L3MBTL3: variants seen among roughly 807,000 people sequenced by gnomAD.
L3MBTL3 encodes the protein L3MBTL histone methyl-lysine binding protein 3, also known as lethal(3)malignant brain tumor-like protein 3.
In L3MBTL3, 27 loss-of-function variants were observed where a neutral mutation model predicts 102.3. The observed-to-expected ratio is 0.26, with a 90% CI of 0.19 to 0.36. L3MBTL3 has a LOEUF of 0.36. Among genes scored for constraint, L3MBTL3 ranks in the 10% least tolerant of loss-of-function variants. The probability of loss-of-function intolerance (pLI) is 1.00; values close to 1 mark genes in which losing one functional copy is unlikely to be tolerated. For missense variants in L3MBTL3, 798 were observed against 955.3 expected, an observed-to-expected ratio of 0.84 and a Z score of 2.17; for synonymous variants, 340 against 320.9, an observed-to-expected ratio of 1.06 and a Z score of -0.64.
At chr6:130,049,579 G>C in intron 4 of L3MBTL3, 177 bp from the exon 5 acceptor site, 2 of 694,118 alleles carry the variant, frequency 2.9e-6, no homozygotes, top group South Asian at 3.7e-5. Flanking sequence ...ACTATAAACT[G>C]TCTTCTTTGT....
At chr6:130,100,676 A>C (rs1784628642) in intron 18 of L3MBTL3, among the ~76,000 whole-genome samples, 1 of 151,962 alleles carries the variant, frequency 6.6e-6, no homozygotes, top group Admixed American at 6.6e-5. Flanking sequence ...TTTAAATGGT[A>C]AGTGTCATAA....
Position 130,133,443 on chromosome 6 carries a change from A to G in L3MBTL3, c.1967-9A>G. 6.2e-7 allele frequency: 1 copy of G among 1,612,498 alleles called. No homozygotes were observed. On this transcript the variant is annotated splice_polypyrimidine_tract_variant and intron_variant, in intron 20 of 22. Coordinates refer to ENST00000361794, the MANE Select transcript of L3MBTL3 (RefSeq NM_032438.4). The surrounding 1 kb of genome is among the most constrained non-coding windows in gnomAD (Gnocchi z 4.9). Reference sequence around the variant, plus strand: ...AGAGAGTGATTTCCCATTTGTTTTCATTGACCAGGTGCCCGGGAAGAACCC... The same window carrying G: ...AGAGAGTGATTTCCCATTTGTTTTCGTTGACCAGGTGCCCGGGAAGAACCC...
chr6:130,074,274 C>G (rs952449195), intron 13 of L3MBTL3, among the ~76,000 whole-genome samples: 20 of 151,960 alleles, frequency 1.3e-4, no homozygotes, highest in African/African-American at 4.8e-4. Context: ...TTCTAACTTC[C>G]AAAGAGGAAC....
chr6:130,063,341 G>T (rs1782034805), intron 10 of L3MBTL3, among the ~76,000 whole-genome samples: 1 of 151,948 alleles, frequency 6.6e-6, no homozygotes, highest in Non-Finnish European at 1.5e-5. Flanking sequence ...GAGGAGGAGG[G>T]GGATTTGAAA....
chr6:130,052,926 A>G lies in L3MBTL3; in HGVS notation c.517A>G (p.Lys173Glu). Residue 173 changes from lysine to glutamate, a missense_variant, in exon 7 of 23, where the codon AAA becomes GAA. Physicochemically the swap from Lys to Glu is moderately conservative, Grantham distance 56. This residue lies in a region of L3MBTL3 where 434 missense variants were observed against 506.6 expected (regional missense o/e 0.86). Coordinates refer to ENST00000361794, the MANE Select transcript of L3MBTL3 (RefSeq NM_032438.4). ...AGAAGATCCTAAGTGTAGTCGGAAG[A>G]AAAAACCAAAATTATCTCTGAAAGC... Reference protein sequence around the residue: ...EEEDPKCSRKKKPKLSLKADT... With the variant: ...EEEDPKCSRKEKPKLSLKADT... 1 of 1,614,012 alleles carries G rather than the reference A, an allele frequency of 6.2e-7. No individual in the cohort carries two copies. The highest frequency in any genetic ancestry group is 8.5e-7 in the Non-Finnish European group (1 of 1,179,868).
intron 18 of L3MBTL3, among the ~76,000 whole-genome samples, chr6:130,103,323 A>G (rs1323847954): frequency 6.6e-6 from 1 of 152,192 alleles, no homozygotes; most frequent in Admixed American, 6.5e-5. Flanking sequence ...TAAAGAAAAT[A>G]AAGTTAGAAT....
chr6:130,020,854 C>G (rs1778962174), intron 1 of L3MBTL3, among the ~76,000 whole-genome samples: 1 of 151,446 alleles, frequency 6.6e-6, no homozygotes, highest in Non-Finnish European at 1.5e-5. Context: ...GCCTCGCATC[C>G]CTTGGCCCGC....
chr6:130,103,643 G>T (rs1235470496), intron 18 of L3MBTL3, among the ~76,000 whole-genome samples: 1 of 152,180 alleles, frequency 6.6e-6, no homozygotes, highest in African/African-American at 2.4e-5. Context: ...TGTATATTGG[G>T]GTCTGAGATA....
At position 130,061,029 on chromosome 6, in the gene L3MBTL3, A is replaced by G. The variant is rs1405143711; in HGVS notation, c.864+889A>G. On this transcript the variant is annotated intron_variant, in intron 10 of 22. Transcript: ENST00000361794. ...TCAGTCAATGATAACATACGGTTAC[A>G]TAGGGCATACTATGTGCCAGCGGCT... 3.3e-5 allele frequency among the ~76,000 whole-genome samples: 5 copies of G among 152,050 alleles called. No homozygotes were observed. In the East Asian group the frequency reaches 5.8e-4, roughly 18 times the overall value.
intron 18 of L3MBTL3, among the ~76,000 whole-genome samples, chr6:130,101,479 G>A (rs899447464): frequency 4.6e-5 from 7 of 152,302 alleles, no homozygotes; most frequent in Admixed American, 4.6e-4. Flanking sequence ...GCCTTTGGCA[G>A]TTTCATTGTG....
chr6:130,100,956 A>C (rs1313335696), intron 18 of L3MBTL3, among the ~76,000 whole-genome samples: 1 of 152,232 alleles, frequency 6.6e-6, no homozygotes, highest in Non-Finnish European at 1.5e-5. Flanking sequence ...ATTTTAATAT[A>C]TATACAGTTA....
chr6:130,107,573 T>TA (rs1406394085), intron 19 of L3MBTL3, among the ~76,000 whole-genome samples: 1 of 152,180 alleles, frequency 6.6e-6, no homozygotes, highest in African/African-American at 2.4e-5. Context: ...ACTGATATAT[T>TA]AAAAAAACAT....
intron 19 of L3MBTL3, among the ~76,000 whole-genome samples, chr6:130,119,433 T>C (rs1785969699): frequency 6.6e-6 from 1 of 152,208 alleles, no homozygotes; most frequent in African/African-American, 2.4e-5. Context: ...TTTTAACATG[T>C]TGTAATTACC....
At chr6:130,108,321 G>A (rs1287615321) in intron 19 of L3MBTL3, among the ~76,000 whole-genome samples, 3 of 131,830 alleles carry the variant, frequency 2.3e-5, no homozygotes, top group South Asian at 5.3e-4. Flanking sequence ...TGCAACCTCC[G>A]CCTCCCAGGT....
At chr6:130,101,289 A>C (rs1784671347) in intron 18 of L3MBTL3, among the ~76,000 whole-genome samples, 1 of 152,078 alleles carries the variant, frequency 6.6e-6, no homozygotes, top group African/African-American at 2.4e-5. Context: ...TTTTGGGTGG[A>C]GGGGCGTGAT....
chr6:130,105,848 G>T (rs1380035205), intron 19 of L3MBTL3, among the ~76,000 whole-genome samples: 1 of 152,176 alleles, frequency 6.6e-6, no homozygotes, highest in East Asian at 1.9e-4. Context: ...TTGTCTGGTT[G>T]CTTGGTCCAA....
Position 130,104,402 on chromosome 6 carries a change from TTTTC to T in L3MBTL3, c.1737-20_1737-17del. On this transcript the variant is annotated intron_variant, in intron 18 of 22. Transcript: ENST00000361794. Reference sequence around the variant, plus strand: ...ATGGAAATGTTCAATGTTCTTTTTTTTTTCTTTTCTTTTAATCTGTTAGTGCTGC... The same window carrying T: ...ATGGAAATGTTCAATGTTCTTTTTTTTTTTCTTTTAATCTGTTAGTGCTGC... 2 of 1,487,998 alleles carry T rather than the reference TTTTC, an allele frequency of 1.3e-6. No individual in the cohort carries two copies. Among genetic ancestry groups the T allele is most frequent in the Non-Finnish European group, 1.8e-6 (2 of 1,115,720 alleles). The allele number at this position is 1,487,998 out of a possible 1,614,324, so 92.2% of individuals were successfully genotyped here.
intron 20 of L3MBTL3, among the ~76,000 whole-genome samples, chr6:130,132,602 GA>G (rs1445689812): frequency 2.0e-5 from 3 of 152,204 alleles, no homozygotes; most frequent in Non-Finnish European, 2.9e-5. Flanking sequence ...AGAGTTTTCA[GA>G]AAAGGTTTCT....
chr6:130,115,348 C>T (rs1441887276), intron 19 of L3MBTL3, among the ~76,000 whole-genome samples: 1 of 152,196 alleles, frequency 6.6e-6, no homozygotes, highest in Non-Finnish European at 1.5e-5. Flanking sequence ...ACCTGGTTGG[C>T]AAATATTTCA....
Sources: gnomAD v4.1 joint callset for allele counts (sites outside exome capture counted in the v4.1 genomes callset) on GRCh38, gnomAD v4.1.1 for gene constraint, gnomAD v4.1.1 regional missense constraint, Gnocchi (gnomAD v3.1) non-coding constraint, MANE v1.5 for transcripts, NCBI Gene and HGNC (gene_info 2026-07-23, HGNC 2026-07-21) for gene names.